Variants in RBM20 observed in about 807,000 individuals in gnomAD.
RBM20 encodes RNA binding motif protein 20, also known as RNA-binding protein 20.
Under a neutral mutation model 110.1 loss-of-function variants are expected in RBM20, and 51 were observed. The ratio of observed to expected loss-of-function variants is 0.46; its 90% confidence interval spans 0.37 to 0.59. RBM20 has a LOEUF of 0.59. Ranked by LOEUF, RBM20 falls within the 20% of genes least tolerant of loss-of-function variation. The probability of loss-of-function intolerance (pLI) is 0.00; values close to 1 mark genes in which losing one functional copy is unlikely to be tolerated. For missense variants in RBM20, 1,512 were observed against 1,574.9 expected, an observed-to-expected ratio of 0.96 and a Z score of 0.68; for synonymous variants, 589 against 618.2, an observed-to-expected ratio of 0.95 and a Z score of 0.70.
chr10:110,779,707 C>T (rs1475179198), intron 1 of RBM20, among the ~76,000 whole-genome samples: 1 of 152,168 alleles, frequency 6.6e-6, no homozygotes, highest in East Asian at 1.9e-4. Context: ...CAGCTGGTGT[C>T]CACTGCAGAA....
intron 1 of RBM20, among the ~76,000 whole-genome samples, chr10:110,742,125 A>G (rs192923026): frequency 1.3e-5 from 2 of 152,284 alleles, no homozygotes; most frequent in East Asian, 3.9e-4. Flanking sequence ...AAAATAATAA[A>G]TAAACCTAGG....
intron 1 of RBM20, among the ~76,000 whole-genome samples, chr10:110,687,628 T>C (rs969114833): frequency 6.6e-6 from 1 of 152,260 alleles, no homozygotes; most frequent in African/African-American, 2.4e-5. Context: ...CTCGTGATTT[T>C]GCGTAACAAA....
chr10:110,741,138 C>T (rs1432942538), intron 1 of RBM20, among the ~76,000 whole-genome samples: 1 of 152,176 alleles, frequency 6.6e-6, no homozygotes, highest in Non-Finnish European at 1.5e-5. Flanking sequence ...TCAGTTGTCT[C>T]CCATTCCCAC....
chr10:110,754,601 A>G (rs1187277896), intron 1 of RBM20, among the ~76,000 whole-genome samples: 2 of 152,058 alleles, frequency 1.3e-5, no homozygotes, highest in Admixed American at 6.5e-5. Context: ...TCTCTCTTCT[A>G]TTGTTTTTAA....
intron 1 of RBM20, among the ~76,000 whole-genome samples, chr10:110,745,244 T>C (rs1176096600): frequency 2.0e-5 from 3 of 152,330 alleles, no homozygotes; most frequent in Admixed American, 1.3e-4. Flanking sequence ...AATACCACCA[T>C]GGCAAGTCAT....
At chr10:110,706,587 A>C (rs1392883514) in intron 1 of RBM20, among the ~76,000 whole-genome samples, 1 of 152,216 alleles carries the variant, frequency 6.6e-6, no homozygotes, top group South Asian at 2.1e-4. Context: ...TGCTGTGTCC[A>C]TGCAAGCTTG....
chr10:110,780,951 T>C lies in RBM20; in HGVS notation c.342T>C (p.Thr114=), dbSNP rs1372904609. ...CACAGACAGCTGTCACCAACAACAC[T>C]GCAGCCGCCACAGTCCTGAACCAAG... ...KLAQTAVTNN[T]AAATVLNQVL... Residue 114 remains threonine (T), a synonymous_variant, in exon 2 of 14, where the codon ACT becomes ACC. Coordinates refer to ENST00000369519, the MANE Select transcript of RBM20 (RefSeq NM_001134363.3). The C allele has an allele frequency of 6.4e-7, 1 of 1,551,598 alleles. No homozygotes were observed. Among genetic ancestry groups the C allele is most frequent in the Non-Finnish European group, 8.7e-7 (1 of 1,146,966 alleles).
intron 1 of RBM20, among the ~76,000 whole-genome samples, chr10:110,746,509 T>G (rs1843782538): frequency 6.6e-6 from 1 of 152,222 alleles, no homozygotes; most frequent in Non-Finnish European, 1.5e-5. Flanking sequence ...AATGGAGAGC[T>G]GCCACTGCTT....
chr10:110,734,457 G>C (rs974419298), intron 1 of RBM20, among the ~76,000 whole-genome samples: 3 of 152,120 alleles, frequency 2.0e-5, no homozygotes, highest in African/African-American at 7.2e-5. Context: ...TGAACTACAG[G>C]TGTCACTGGA....
chr10:110,752,946 T>TATATATATATA (rs372172985), intron 1 of RBM20, among the ~76,000 whole-genome samples: 33 of 62,284 alleles, frequency 5.3e-4, no homozygotes, highest in African/African-American at 1.1e-3. Flanking sequence ...TATATATATA[T>TATATATATATA]TTTTTTTTTT....
intron 1 of RBM20, among the ~76,000 whole-genome samples, chr10:110,701,213 A>C (rs868312773): frequency 3.9e-5 from 6 of 152,052 alleles, no homozygotes; most frequent in South Asian, 2.1e-4. Context: ...CTCCGTTCCC[A>C]GTGGTTCTTT....
At chr10:110,794,238 T>G (rs1268853522) in intron 5 of RBM20, among the ~76,000 whole-genome samples, 6 of 152,236 alleles carry the variant, frequency 3.9e-5, no homozygotes, top group Non-Finnish European at 1.5e-5. Flanking sequence ...GTATGAATCA[T>G]ATATGGTTTT....
chr10:110,737,202 CCA>C (rs1049652380), intron 1 of RBM20, among the ~76,000 whole-genome samples: 1 of 55,972 alleles, frequency 1.8e-5, no homozygotes, highest in African/African-American at 9.1e-5. Context: ...AAAAAACACC[CCA>C]CACACACACT....
intron 7 of RBM20, among the ~76,000 whole-genome samples, chr10:110,803,884 G>A (rs1216750917): frequency 6.6e-6 from 1 of 150,634 alleles, no homozygotes; most frequent in South Asian, 2.1e-4. Context: ...AGTAGATCTG[G>A]CTGCAGGTGC....
chr10:110,770,542 C>A (rs1844173046), intron 1 of RBM20, among the ~76,000 whole-genome samples: 1 of 152,160 alleles, frequency 6.6e-6, no homozygotes, highest in African/African-American at 2.4e-5. Flanking sequence ...AGTCTTCCTC[C>A]CCCACTGGCC....
In RBM20 at chr10:110,781,637, A is replaced by C; in HGVS notation, c.1028A>C (p.His343Pro). ...GCAGGTCCCATGTGGCCTCCACCCCACAACCAGCCCTATGAGCTGTACGAC... is the reference window on the plus strand; with the variant it reads ...GCAGGTCCCATGTGGCCTCCACCCCCCAACCAGCCCTATGAGCTGTACGAC... ...LTAGPMWPPPHNQPYELYDPE... is the reference protein window; with the variant it reads ...LTAGPMWPPPPNQPYELYDPE... The change falls in exon 2 of 14, where the codon CAC becomes CCC. Residue 343 changes from histidine (H) to proline (P), a missense_variant. Coordinates refer to ENST00000369519, the MANE Select transcript of RBM20 (RefSeq NM_001134363.3). The C allele has an allele frequency of 6.5e-7, 1 of 1,549,502 alleles. No individual in the cohort carries two copies. Among genetic ancestry groups the C allele is most frequent in the South Asian group, 1.2e-5 (1 of 83,978 alleles).
At chr10:110,748,347 G>T (rs747380602) in intron 1 of RBM20, among the ~76,000 whole-genome samples, 1 of 152,178 alleles carries the variant, frequency 6.6e-6, no homozygotes, top group South Asian at 2.1e-4. Context: ...TGAGCCCTGT[G>T]GGGAGGGCTC....
rs753041080 is a variant in RBM20, at chr10:110,727,412, T to TAAAAAAAAAAAATA, written c.192-53379_192-53378insAATAAAAAAAAAAA. ...AAAAGTCCGTCTCAAAAAATAAAAATAAAAAAAAAATAAATAAAAAGTCCA... is the reference window on the plus strand; with the variant it reads ...AAAAGTCCGTCTCAAAAAATAAAAATAAAAAAAAAAAATAAAAAAAAAAATAAATAAAAAGTCCA... On this transcript the variant is annotated intron_variant, in intron 1 of 13. Transcript: ENST00000369519. Among the ~76,000 whole-genome samples the TAAAAAAAAAAAATA allele has an allele frequency of 0.016, 1,106 of 68,924 alleles. 32 individuals are homozygous for TAAAAAAAAAAAATA. The East Asian group carries it at 0.22, about 14-fold the overall frequency. 45.2% of individuals were successfully genotyped at this position (68,924 alleles called of 152,430 possible). A position where few individuals can be genotyped will look rare whatever the true frequency, so the allele number is the denominator to read the frequency against.
At chr10:110,666,850 T>C (rs1862185363) in intron 1 of RBM20, among the ~76,000 whole-genome samples, 1 of 152,126 alleles carries the variant, frequency 6.6e-6, no homozygotes, top group Non-Finnish European at 1.5e-5. Context: ...ATGGGAAAAT[T>C]GGGGCAAGGC....
Sources: allele counts gnomAD v4.1 joint callset (sites outside exome capture counted in the v4.1 genomes callset), GRCh38; gene constraint gnomAD v4.1.1; transcripts MANE v1.5; gene names NCBI Gene and HGNC (gene_info 2026-07-23, HGNC 2026-07-21).